The following FIRRM variants were observed in gnomAD, a reference collection of about 807,000 sequenced individuals.
The protein encoded by FIRRM is FIGNL1-interacting regulator of recombination and mitosis.
the FIRRM span, chr1:169,803,127 C>CA: frequency 2.5e-6 from 4 of 1,598,402 alleles, no homozygotes; most frequent in South Asian, 1.1e-5. Flanking sequence ...TTTCAGTGCA[C>CA]AAAAAATATA....
chr1:169,793,243 A>G, the FIRRM span: 1 of 1,614,176 alleles, frequency 6.2e-7, no homozygotes, highest in Non-Finnish European at 8.5e-7. Context: ...AGTGAGAAGA[A>G]AAGCTTTTTG....
the FIRRM span, among the ~76,000 whole-genome samples, chr1:169,828,502 C>T: frequency 6.6e-6 from 1 of 151,986 alleles, no homozygotes; most frequent in Non-Finnish European, 1.5e-5. Context: ...TGTGCTTTTA[C>T]TCGTGCTTTT....
the FIRRM span, chr1:169,807,944 A>G: frequency 5.0e-6 from 8 of 1,596,744 alleles, no homozygotes; most frequent in Non-Finnish European, 6.8e-6. Flanking sequence ...AATTTGGGCT[A>G]ATAGCATTTT....
At chr1:169,792,834 C>CTCAGAA in the FIRRM span, 3 of 1,613,638 alleles carry the variant, frequency 1.9e-6, no homozygotes, top group East Asian at 6.7e-5. Flanking sequence ...AGAATGAGAT[C>CTCAGAA]ATATTTTACA....
chr1:169,803,190 G>A, the FIRRM span: 1 of 1,613,790 alleles, frequency 6.2e-7, no homozygotes, highest in Non-Finnish European at 8.5e-7. Context: ...GCTCTTAGGA[G>A]CTCTCACAGG....
the FIRRM span, among the ~76,000 whole-genome samples, chr1:169,798,041 AAGAT>A: frequency 5.0e-5 from 7 of 139,642 alleles, no homozygotes; most frequent in African/African-American, 1.3e-4. Flanking sequence ...AATATGAAAA[AAGAT>A]AGAAGGTGAT....
At chr1:169,845,399 A>C in the FIRRM span, among the ~76,000 whole-genome samples, 1 of 152,134 alleles carries the variant, frequency 6.6e-6, no homozygotes, top group Non-Finnish European at 1.5e-5. Flanking sequence ...TGGCTGTGGC[A>C]ATTTCTTAAA....
chr1:169,801,597 CAAA>C, the FIRRM span, among the ~76,000 whole-genome samples: 35,842 of 124,206 alleles, frequency 0.29, 4,438 homozygotes, highest in Middle Eastern at 0.37. Flanking sequence ...ACCCTTAATT[CAAA>C]AAAAAAAAAA....
the FIRRM span, among the ~76,000 whole-genome samples, chr1:169,815,190 G>A: frequency 4.0e-5 from 6 of 151,726 alleles, no homozygotes; most frequent in East Asian, 5.8e-4. Flanking sequence ...CAGCTACTCC[G>A]GAGGCTGAGG....
the FIRRM span, chr1:169,826,102 C>T: frequency 1.0e-4 from 34 of 334,060 alleles, no homozygotes; most frequent in South Asian, 7.1e-4. Context: ...GATGGAGTTT[C>T]GCTCTTGCTG....
the FIRRM span, among the ~76,000 whole-genome samples, chr1:169,819,421 C>G: frequency 2.0e-5 from 3 of 152,256 alleles, no homozygotes; most frequent in Middle Eastern, 3.4e-3. Flanking sequence ...AGTTATATAC[C>G]AAAGCTCTGT....
the FIRRM span, among the ~76,000 whole-genome samples, chr1:169,810,951 C>T: frequency 6.8e-6 from 1 of 146,054 alleles, no homozygotes; most frequent in African/African-American, 2.5e-5. Flanking sequence ...GCTCCGCTTC[C>T]CGGGTTCACG....
At chr1:169,830,573 G>T in the FIRRM span, 2 of 934,290 alleles carry the variant, frequency 2.1e-6, no homozygotes, top group East Asian at 5.1e-5. Context: ...GATATTATTT[G>T]GTCATGGAAA....
the FIRRM span, chr1:169,826,942 TTA>T: frequency 1.0e-6 from 1 of 968,144 alleles, no homozygotes. Context: ...TTTTAAAAAC[TTA>T]GTTTTTAATA....
the FIRRM span, among the ~76,000 whole-genome samples, chr1:169,841,603 C>T: frequency 2.0e-5 from 3 of 152,084 alleles, no homozygotes; most frequent in Non-Finnish European, 1.5e-5. Context: ...AAAGTTAATC[C>T]AGAAAACATT....
the FIRRM span, among the ~76,000 whole-genome samples, chr1:169,839,404 T>C: frequency 6.6e-6 from 1 of 152,226 alleles, no homozygotes; most frequent in Admixed American, 6.5e-5. Flanking sequence ...GCATTTACTT[T>C]CTCTGCAGCC....
At chr1:169,838,608 G>A in the FIRRM span, among the ~76,000 whole-genome samples, 1,580 of 152,208 alleles carry the variant, frequency 0.01, 61 homozygotes, top group East Asian at 0.12. Context: ...TCCTGCCTCA[G>A]CCTCCAGAGC....
the FIRRM span, chr1:169,793,919 A>G: frequency 2.5e-6 from 1 of 397,400 alleles, no homozygotes; most frequent in African/African-American, 2.1e-5. Context: ...AAAAAAAAAA[A>G]AAGAAAGAAA....
At chr1:169,846,153 T>C in the FIRRM span, among the ~76,000 whole-genome samples, 2 of 152,208 alleles carry the variant, frequency 1.3e-5, no homozygotes, top group Non-Finnish European at 2.9e-5. Context: ...ATGAGCAGTA[T>C]ATTTTGAAAG....
Sources: allele counts gnomAD v4.1 joint callset (sites outside exome capture counted in the v4.1 genomes callset), GRCh38; gene constraint gnomAD v4.1.1; transcripts MANE v1.5; gene names NCBI Gene and HGNC (gene_info 2026-07-23, HGNC 2026-07-21).